The following HDAC9 variants were observed in gnomAD, a reference collection of about 807,000 sequenced individuals.
HDAC9 encodes MEF-2 interacting transcription repressor (MITR) protein.
HDAC9 carries 41 observed loss-of-function variants against 139.4 expected under a neutral mutation model. The ratio of observed to expected loss-of-function variants is 0.29; its 90% CI spans 0.23 to 0.38. HDAC9 has a LOEUF of 0.38. Ranked by LOEUF, HDAC9 falls within the 10% of genes least tolerant of loss-of-function variation. HDAC9 has a pLI of 1.00. For missense variants in HDAC9, 1,147 were observed against 1,297.0 expected, an observed-to-expected ratio of 0.88 and a Z score of 1.78; for synonymous variants, 517 against 476.2, an observed-to-expected ratio of 1.09 and a Z score of -1.12.
At chr7:18,548,800 A>G (rs990124344) in intron 2 of HDAC9, among the ~76,000 whole-genome samples, 7 of 152,232 alleles carry the variant, frequency 4.6e-5, no homozygotes, top group Non-Finnish European at 7.3e-5. Context: ...GGGTAAATAT[A>G]TATATCTCTA....
intron 2 of HDAC9, among the ~76,000 whole-genome samples, chr7:18,507,960 C>A (rs947964090): frequency 6.6e-6 from 1 of 152,110 alleles, no homozygotes; most frequent in African/African-American, 2.4e-5. Context: ...TTTTAATGAG[C>A]GGGTCGAAGA....
At chr7:18,672,048 A>G (rs1185964213) in intron 12 of HDAC9, among the ~76,000 whole-genome samples, 4 of 151,928 alleles carry the variant, frequency 2.6e-5, no homozygotes, top group Admixed American at 1.3e-4. Context: ...GAGAAGATAT[A>G]TTTTCATTTC....
At chr7:18,276,330 C>T (rs777558407) in intron 2 of HDAC9, among the ~76,000 whole-genome samples, 40 of 152,170 alleles carry the variant, frequency 2.6e-4, no homozygotes, top group Non-Finnish European at 4.4e-4. Context: ...GGTATTGATA[C>T]AGTATTTCCT....
At chr7:18,893,826 A>G (rs2129272670) in intron 22 of HDAC9, among the ~76,000 whole-genome samples, 1 of 152,264 alleles carries the variant, frequency 6.6e-6, no homozygotes, top group Middle Eastern at 3.4e-3. Context: ...CTTATAAATG[A>G]TGTTTGCCTG....
intron 1 of HDAC9, among the ~76,000 whole-genome samples, chr7:18,328,639 G>A (rs1412919701): frequency 6.6e-6 from 1 of 151,818 alleles, no homozygotes; most frequent in African/African-American, 2.4e-5. Context: ...TCATGTTTGG[G>A]ATAAATCCCA....
intron 1 of HDAC9, among the ~76,000 whole-genome samples, chr7:18,096,966 C>T (rs1782547872): frequency 6.6e-6 from 1 of 151,286 alleles, no homozygotes; most frequent in Admixed American, 6.6e-5. Flanking sequence ...CAGGGCACTT[C>T]TAACAGTTGT....
At chr7:18,693,189 A>G (rs1055590813) in intron 12 of HDAC9, among the ~76,000 whole-genome samples, 12 of 152,052 alleles carry the variant, frequency 7.9e-5, no homozygotes, top group Non-Finnish European at 1.5e-4. Context: ...AAAACAATAC[A>G]CTGAGATAAG....
intron 6 of HDAC9, among the ~76,000 whole-genome samples, chr7:18,605,341 C>T (rs899021875): frequency 1.3e-5 from 2 of 152,136 alleles, no homozygotes; most frequent in Non-Finnish European, 2.9e-5. Flanking sequence ...CCTTGAACTA[C>T]TTCTTAGCCT....
At chr7:18,512,274 G>T (rs1801762909) in intron 2 of HDAC9, among the ~76,000 whole-genome samples, 1 of 152,050 alleles carries the variant, frequency 6.6e-6, no homozygotes, top group Non-Finnish European at 1.5e-5. Flanking sequence ...AGATGTATTA[G>T]AAATTAAAAG....
chr7:18,912,234 C>T (rs983734776), intron 22 of HDAC9, among the ~76,000 whole-genome samples: 1 of 151,876 alleles, frequency 6.6e-6, no homozygotes. Context: ...ATGTAATGAC[C>T]AGCACTATAG....
At chr7:18,297,106 C>T (rs1471510434) in intron 1 of HDAC9, among the ~76,000 whole-genome samples, 2 of 152,006 alleles carry the variant, frequency 1.3e-5, no homozygotes, top group Admixed American at 6.6e-5. Flanking sequence ...TGAGAAACTT[C>T]CGTGTAGGTA....
At chr7:18,509,377 G>A in intron 2 of HDAC9, 2 of 985,450 alleles carry the variant, frequency 2.0e-6, no homozygotes, top group South Asian at 9.4e-5. Flanking sequence ...CTAGCCTCAA[G>A]AAGACTGAGA....
intron 2 of HDAC9, among the ~76,000 whole-genome samples, chr7:18,181,709 T>TC (rs1272762246): frequency 1.3e-5 from 2 of 151,732 alleles, no homozygotes; most frequent in African/African-American, 4.8e-5. Context: ...CTCATACCTG[T>TC]CCCCCTACCC....
At chr7:18,787,303 A>T (rs2129175317) in intron 16 of HDAC9, among the ~76,000 whole-genome samples, 1 of 152,246 alleles carries the variant, frequency 6.6e-6, no homozygotes, top group East Asian at 1.9e-4. Context: ...TTGTTCCCTC[A>T]CACAGAAAGA....
At chr7:18,629,535 A>T (rs540519852) in intron 7 of HDAC9, 54 bp downstream of exon 7, 16 of 1,505,746 alleles carry the variant, frequency 1.1e-5, no homozygotes, top group Non-Finnish European at 1.3e-5. Context: ...TGAAAAAAAA[A>T]TAGTTTAGAA....
intron 22 of HDAC9, among the ~76,000 whole-genome samples, chr7:18,897,092 T>C (rs1801269090): frequency 6.6e-6 from 1 of 151,996 alleles, no homozygotes; most frequent in Admixed American, 6.6e-5. Flanking sequence ...AACCTATATC[T>C]TCCTTGAATT....
chr7:18,823,804 C>A (rs1210514698), intron 17 of HDAC9, among the ~76,000 whole-genome samples: 2 of 151,880 alleles, frequency 1.3e-5, no homozygotes, highest in Non-Finnish European at 2.9e-5. Flanking sequence ...CAGAGCAAAA[C>A]CCCATCTTCA....
chr7:18,936,898 T>C (rs770757589), intron 23 of HDAC9, among the ~76,000 whole-genome samples: 18 of 152,242 alleles, frequency 1.2e-4, no homozygotes, highest in Non-Finnish European at 2.1e-4. Flanking sequence ...TTGTCATCAT[T>C]ATTTTACAAA....
intron 11 of HDAC9, among the ~76,000 whole-genome samples, chr7:18,653,976 G>A (rs1255800409): frequency 6.6e-6 from 1 of 152,040 alleles, no homozygotes; most frequent in African/African-American, 2.4e-5. Context: ...TACAAACATA[G>A]CATGCATGCC....
Sources: gnomAD v4.1 joint callset for allele counts (sites outside exome capture counted in the v4.1 genomes callset) on GRCh38, gnomAD v4.1.1 for gene constraint, MANE v1.5 for transcripts, NCBI Gene and HGNC (gene_info 2026-07-23, HGNC 2026-07-21) for gene names.